Variants in ARHGAP22 observed in about 807,000 individuals in gnomAD.
The protein encoded by ARHGAP22 is Rho GTPase activating protein 22, also known as rho GTPase-activating protein 22.
ARHGAP22 carries 48 observed loss-of-function variants against 59.1 expected under a neutral mutation model. The observed-to-expected ratio is 0.81, with a 90% confidence interval of 0.64 to 1.03. ARHGAP22 has a LOEUF of 1.03. Among genes scored for constraint, ARHGAP22 ranks in the 50% least tolerant of loss-of-function variants. The pLI is 0.00. For missense variants in ARHGAP22, 1,015 were observed against 958.7 expected (o/e 1.06, Z -0.78); for synonymous variants, 445 against 416.4 (o/e 1.07, Z -0.84).
chr10:48,558,468 G>A (rs2057465021), intron 2 of ARHGAP22, among the ~76,000 whole-genome samples: 3 of 151,852 alleles, frequency 2.0e-5, no homozygotes, highest in East Asian at 3.9e-4. Flanking sequence ...GCTCCAGTGA[G>A]CCTCCCACCT....
intron 2 of ARHGAP22, 88 bp from the exon 3 acceptor site, chr10:48,555,638 G>A: frequency 7.6e-7 from 1 of 1,321,094 alleles, no homozygotes; most frequent in Non-Finnish European, 1.1e-6. Context: ...GGAGAGGTTA[G>A]GACCTGGGGC....
intron 1 of ARHGAP22, among the ~76,000 whole-genome samples, chr10:48,615,352 T>C (rs1029303862): frequency 6.6e-6 from 1 of 152,162 alleles, no homozygotes; most frequent in African/African-American, 2.4e-5. Context: ...ATTAAGCTAA[T>C]GGAACAAAGA....
intron 3 of ARHGAP22, among the ~76,000 whole-genome samples, chr10:48,551,588 T>G (rs1295838282): frequency 2.0e-5 from 3 of 152,224 alleles, no homozygotes; most frequent in Non-Finnish European, 4.4e-5. Context: ...TCCCCGCAGC[T>G]TCAGGGAGGA....
chr10:48,552,336 C>T lies in ARHGAP22; in HGVS notation c.322+3127G>A, dbSNP rs570405121. Among the ~76,000 whole-genome samples the T allele has an allele frequency of 1.5e-4, 23 of 152,392 alleles. No homozygotes were observed. The South Asian group carries it at 4.6e-3, about 30-fold the overall frequency. On this transcript the variant is annotated intron_variant, in intron 3 of 9. Transcript: ENST00000249601. ...CTTCCTCATATCCTGCCCTGATTTC[C>T]TGGCCTAGGCCCAGACCCCAGGCGG...
chr10:48,541,827 C>T (rs1564845765), intron 3 of ARHGAP22, among the ~76,000 whole-genome samples: 1 of 152,214 alleles, frequency 6.6e-6, no homozygotes, highest in Non-Finnish European at 1.5e-5. Flanking sequence ...ACCCTGGCCT[C>T]GATCTGCAAG....
chr10:48,534,559 C>T (rs747473955), intron 3 of ARHGAP22, among the ~76,000 whole-genome samples: 6 of 152,206 alleles, frequency 3.9e-5, no homozygotes, highest in South Asian at 2.1e-4. Context: ...GGGTGGGAGG[C>T]GGTCTCGGTT....
intron 8 of ARHGAP22, 42 bp downstream of exon 8, chr10:48,453,262 C>A (rs746752396): frequency 9.3e-6 from 15 of 1,610,302 alleles, no homozygotes; most frequent in South Asian, 6.6e-5. Context: ...TGAGCCCAGA[C>A]CCCGGCAGCA....
upstream of ARHGAP22, chr10:48,655,975 T>C (rs2062794855): frequency 6.6e-6 from 1 of 152,292 alleles, no homozygotes; most frequent in Non-Finnish European, 1.5e-5. Flanking sequence ...CACCCGCATC[T>C]CCCGCCGGTG....
intron 3 of ARHGAP22, among the ~76,000 whole-genome samples, chr10:48,505,170 C>T (rs2051969869): frequency 6.6e-6 from 1 of 152,202 alleles, no homozygotes; most frequent in Admixed American, 6.5e-5. Context: ...TCTCCTGCCT[C>T]AGCTTCCTGA....
At chr10:48,460,488 G>A (rs187661111) in intron 4 of ARHGAP22, among the ~76,000 whole-genome samples, 3 of 152,336 alleles carry the variant, frequency 2.0e-5, no homozygotes, top group African/African-American at 7.2e-5. Context: ...AACAAGTGTT[G>A]GCAAGGATGT....
At chr10:48,652,519 C>G in exon 1 of ARHGAP22, 1 of 566,198 alleles carries the variant, frequency 1.8e-6, no homozygotes, top group African/African-American at 1.9e-5. Context: ...CTTGGAATGG[C>G]CTTGAGAAAG....
Position 48,446,397 on chromosome 10 carries a change from T to C in ARHGAP22, c.2091A>G (p.Pro697=). The C allele has an allele frequency of 1.2e-6, 2 of 1,614,130 alleles. No homozygotes were observed. Among genetic ancestry groups the C allele is most frequent in the Non-Finnish European group, 1.7e-6 (2 of 1,179,998 alleles). Residue 697 remains proline (P), a synonymous_variant, in exon 10 of 10, where the codon CCA becomes CCG. Coordinates refer to ENST00000249601, the MANE Select transcript of ARHGAP22 (RefSeq NM_021226.4). ...LTVGAKGARA[P]K ...GTGAGCTCTGCCATTCCTTTTACTT[T>C]GGGGCCCTGGCACCTTTTGCCCCAA...
intron 2 of ARHGAP22, among the ~76,000 whole-genome samples, chr10:48,563,670 A>T (rs1173348017): frequency 1.3e-5 from 2 of 152,172 alleles, no homozygotes; most frequent in Non-Finnish European, 2.9e-5. Context: ...TATCTGAAAC[A>T]AGTTGGGTAT....
intron 2 of ARHGAP22, among the ~76,000 whole-genome samples, chr10:48,578,853 C>A (rs1481574867): frequency 1.3e-5 from 2 of 152,002 alleles, no homozygotes; most frequent in Non-Finnish European, 2.9e-5. Context: ...TTGAATCCTA[C>A]TTTATTTGAT....
intron 3 of ARHGAP22, among the ~76,000 whole-genome samples, chr10:48,527,320 G>C (rs984877112): frequency 1.3e-4 from 20 of 152,084 alleles, no homozygotes; most frequent in African/African-American, 4.8e-4. Context: ...TGGATGGGTG[G>C]ATGGTTGGTT....
intron 2 of ARHGAP22, among the ~76,000 whole-genome samples, chr10:48,580,947 A>AAAC (rs2059078573): frequency 6.8e-6 from 1 of 147,840 alleles, no homozygotes; most frequent in East Asian, 1.9e-4. Context: ...AAAAAAAAAA[A>AAAC]AATGGACTCC....
chr10:48,594,837 C>T (rs1359854423), intron 1 of ARHGAP22, among the ~76,000 whole-genome samples: 1 of 152,120 alleles, frequency 6.6e-6, no homozygotes. Flanking sequence ...CCTGTTACAT[C>T]TGAAAGGGTA....
intron 1 of ARHGAP22, among the ~76,000 whole-genome samples, chr10:48,636,005 G>A (rs2061801567): frequency 6.6e-6 from 1 of 152,210 alleles, no homozygotes; most frequent in South Asian, 2.1e-4. Flanking sequence ...TCTCAATGTT[G>A]TTATTTATTA....
At chr10:48,547,109 T>C (rs1301100194) in intron 3 of ARHGAP22, among the ~76,000 whole-genome samples, 1 of 152,160 alleles carries the variant, frequency 6.6e-6, no homozygotes, top group African/African-American at 2.4e-5. Context: ...TTGATGTCTG[T>C]TGAGAGTGTG....
Sources: gnomAD v4.1 joint callset for allele counts (sites outside exome capture counted in the v4.1 genomes callset) on GRCh38, gnomAD v4.1.1 for gene constraint, MANE v1.5 for transcripts, NCBI Gene and HGNC (gene_info 2026-07-23, HGNC 2026-07-21) for gene names.